Variants in SORCS1 observed in about 807,000 individuals in gnomAD.
SORCS1 encodes VPS10 domain-containing receptor SorCS1.
In SORCS1, 60 loss-of-function variants were observed where a neutral mutation model predicts 146.1. The ratio of observed to expected loss-of-function variants is 0.41; its 90% CI spans 0.33 to 0.51. SORCS1 has a LOEUF of 0.51. SORCS1 is among the 20% of genes least tolerant of loss of function. The pLI, the probability that SORCS1 is intolerant of heterozygous loss-of-function variation, is 0.21. For synonymous variants in SORCS1, 637 were observed against 584.0 expected (o/e 1.09, Z -1.31); for missense variants, 1,352 against 1,487.6 (o/e 0.91, Z 1.50).
intron 3 of SORCS1, among the ~76,000 whole-genome samples, chr10:106,813,767 C>T (rs532038230): frequency 6.6e-6 from 1 of 152,020 alleles, no homozygotes; most frequent in Admixed American, 6.6e-5. Flanking sequence ...AGACCATGTA[C>T]CTACAAAAAA....
chr10:106,730,484 T>C (rs981967354), intron 5 of SORCS1, among the ~76,000 whole-genome samples: 6 of 152,206 alleles, frequency 3.9e-5, no homozygotes, highest in Non-Finnish European at 7.3e-5. Context: ...GGTGACTTGA[T>C]CAGCGATTCC....
At chr10:106,795,926 G>A (rs1946533207) in intron 3 of SORCS1, among the ~76,000 whole-genome samples, 1 of 152,178 alleles carries the variant, frequency 6.6e-6, no homozygotes, top group Non-Finnish European at 1.5e-5. Flanking sequence ...GTCAAATGCT[G>A]AGTTAGAAGA....
intron 24 of SORCS1, among the ~76,000 whole-genome samples, chr10:106,586,165 T>C (rs1305985076): frequency 6.6e-6 from 1 of 152,220 alleles, no homozygotes; most frequent in Non-Finnish European, 1.5e-5. Context: ...ATTTTTGGTA[T>C]AGTCTTCTAT....
intron 2 of SORCS1, among the ~76,000 whole-genome samples, chr10:106,832,244 AGTTGGGTGAT>A (rs1410646472): frequency 1.4e-5 from 2 of 143,592 alleles, no homozygotes; most frequent in African/African-American, 2.6e-5. Flanking sequence ...GCTGGAGTGC[AGTTGGGTGAT>A]CTCTGCTCAC....
At chr10:107,180,589 T>C in the SORCS1 span, among the ~76,000 whole-genome samples, 6 of 152,296 alleles carry the variant, frequency 3.9e-5, no homozygotes, top group South Asian at 8.3e-4. Context: ...CTTTGTTTCA[T>C]TGATGTTTTC....
intron 1 of SORCS1, among the ~76,000 whole-genome samples, chr10:107,047,105 C>T (rs540945346): frequency 2.0e-5 from 3 of 152,336 alleles, no homozygotes; most frequent in African/African-American, 4.8e-5. Context: ...TTTCCTGCCT[C>T]GGCCTCCCAG....
chr10:107,127,071 A>G (rs1346328836), intron 1 of SORCS1, among the ~76,000 whole-genome samples: 4 of 152,102 alleles, frequency 2.6e-5, no homozygotes, highest in Admixed American at 2.6e-4. Flanking sequence ...TGCCAACCCC[A>G]ATCTTGTTTG....
At chr10:107,067,866 C>T (rs751535323) in intron 1 of SORCS1, among the ~76,000 whole-genome samples, 1 of 152,236 alleles carries the variant, frequency 6.6e-6, no homozygotes, top group South Asian at 2.1e-4. Context: ...TAAATATATG[C>T]TAGTACTCAG....
intron 24 of SORCS1, among the ~76,000 whole-genome samples, chr10:106,593,394 G>A (rs185673887): frequency 1.8e-4 from 28 of 152,194 alleles, no homozygotes; most frequent in East Asian, 1.7e-3. Flanking sequence ...CCGTTGACAC[G>A]TTTGTCTTTT....
intron 3 of SORCS1, among the ~76,000 whole-genome samples, chr10:106,788,607 G>T (rs1946169257): frequency 1.3e-5 from 2 of 152,202 alleles, no homozygotes; most frequent in Admixed American, 1.3e-4. Context: ...GCTCCAAAAT[G>T]ATCTCCTTTG....
intron 1 of SORCS1, among the ~76,000 whole-genome samples, chr10:107,068,350 C>A (rs1037248926): frequency 6.6e-6 from 1 of 151,940 alleles, no homozygotes; most frequent in African/African-American, 2.4e-5. Flanking sequence ...AAGCAGTGGA[C>A]GATAACAAGG....
intron 1 of SORCS1, among the ~76,000 whole-genome samples, chr10:107,004,573 T>A (rs1474856875): frequency 2.0e-5 from 3 of 152,056 alleles, no homozygotes; most frequent in Non-Finnish European, 4.4e-5. Flanking sequence ...CCCCCATGAG[T>A]CAATCATCTC....
In SORCS1 at chr10:106,576,653, C is replaced by G. The variant is rs1003978805; in HGVS notation, c.*767G>C. On this transcript the variant is annotated 3_prime_UTR_variant, in exon 26 of 26. Coordinates refer to ENST00000263054, the MANE Select transcript of SORCS1 (RefSeq NM_052918.5). ...TACCGGCACAAAGGGATCTTCAACT[C>G]GCATCTTTGTTCCTGTGGCCACAGA... The G allele has an allele frequency of 6.6e-6, 1 of 152,238 alleles. No homozygotes were observed. Among genetic ancestry groups the G allele is most frequent in the Non-Finnish European group, 1.5e-5 (1 of 68,096 alleles). 9.4% of individuals were successfully genotyped at this position (152,238 alleles called of 1,614,324 possible).
intron 1 of SORCS1, among the ~76,000 whole-genome samples, chr10:107,105,537 T>C (rs958676324): frequency 1.1e-4 from 16 of 152,140 alleles, no homozygotes; most frequent in Admixed American, 7.2e-4. Context: ...CGAGTGCCCC[T>C]GGCAAATCAC....
intron 2 of SORCS1, among the ~76,000 whole-genome samples, chr10:106,839,480 A>G (rs1364559152): frequency 6.6e-6 from 1 of 152,232 alleles, no homozygotes; most frequent in Non-Finnish European, 1.5e-5. Context: ...GTTTCAAGCT[A>G]GCAGAATTTG....
Position 106,894,577 on chromosome 10 carries a change from T to C in SORCS1, c.626+61936A>G, listed in dbSNP as rs555578121. Among the ~76,000 whole-genome samples the C allele has an allele frequency of 1.4e-4, 21 of 152,092 alleles. No individual in the cohort carries two copies. The South Asian group carries it at 3.9e-3, about 29-fold the overall frequency. On this transcript the variant is annotated intron_variant, in intron 2 of 25. Coordinates refer to ENST00000263054, the MANE Select transcript of SORCS1 (RefSeq NM_052918.5). ...GAGACCTCCATGGTAGAGTTATAAG[T>C]GCTGTGTGGAATAAACTCGCATAGC...
intron 18 of SORCS1, among the ~76,000 whole-genome samples, chr10:106,634,863 G>T (rs937262613): frequency 5.3e-5 from 8 of 152,150 alleles, no homozygotes; most frequent in African/African-American, 1.9e-4. Flanking sequence ...TAACTCAAAA[G>T]AAATCATTTC....
chr10:107,164,104 C>A lies in SORCS1; in HGVS notation c.423G>T (p.Gly141=), dbSNP rs1590284381. ...CTTTGTCCGGGTCCCGCTCCCGAGT[C>A]CCAGGCTCCTGCTGCCCTCCATCTC... ...VLRDGGQQEP[G]TRERDPDKAT... The change falls in exon 1 of 26, where the codon GGG becomes GGT. Residue 141 remains glycine (G), a synonymous_variant. Transcript: ENST00000263054. This position sits in a 1 kb window ranked among gnomAD's most constrained non-coding sequence, Gnocchi z 6.8. 1.2e-5 allele frequency: 20 copies of A among 1,613,834 alleles called. No homozygotes were observed. Among genetic ancestry groups the A allele is most frequent in the Non-Finnish European group, 1.5e-5 (18 of 1,180,028 alleles).
intron 5 of SORCS1, among the ~76,000 whole-genome samples, chr10:106,756,308 G>A (rs941078518): frequency 3.9e-5 from 6 of 152,088 alleles, no homozygotes; most frequent in Admixed American, 2.6e-4. Context: ...TGGTTCTTAG[G>A]CACAAGGCAT....
Sources: allele counts gnomAD v4.1 joint callset (sites outside exome capture counted in the v4.1 genomes callset), GRCh38; gene constraint gnomAD v4.1.1; non-coding constraint Gnocchi (gnomAD v3.1); transcripts MANE v1.5; gene names NCBI Gene and HGNC (gene_info 2026-07-23, HGNC 2026-07-21).